The following CXCL13 variants were observed in gnomAD, a reference collection of about 807,000 sequenced individuals.
CXCL13 encodes the protein C-X-C motif chemokine 13.
Under a neutral mutation model 12.2 loss-of-function variants are expected in CXCL13, and 7 were observed. That is an observed-to-expected ratio of 0.57 (90% CI 0.33 to 1.07). The LOEUF (loss-of-function observed/expected upper bound fraction) is 1.07, where lower values mean the gene tolerates loss of function less well. Among genes scored for constraint, CXCL13 ranks in the 50% least tolerant of loss-of-function variants. The pLI is 0.04. For missense variants in CXCL13, 113 were observed against 127.4 expected, an observed-to-expected ratio of 0.89 and a Z score of 0.55; for synonymous variants, 47 against 42.4, an observed-to-expected ratio of 1.11 and a Z score of -0.42.
At chr4:77,552,440 G>A (rs1421740081) in intron 1 of CXCL13, among the ~76,000 whole-genome samples, 2 of 152,204 alleles carry the variant, frequency 1.3e-5, no homozygotes, top group Non-Finnish European at 2.9e-5. Flanking sequence ...TGGCACTTAT[G>A]GGTAAGAGCC....
At chr4:77,581,989 C>T (rs1726344215) in intron 1 of CXCL13, among the ~76,000 whole-genome samples, 1 of 152,156 alleles carries the variant, frequency 6.6e-6, no homozygotes, top group Non-Finnish European at 1.5e-5. Context: ...GTCATCAAAT[C>T]CAGTGCCCTT....
rs1726307543 is a variant in CXCL13, at chr4:77,580,667, T to G, written c.-42-25157T>G. Among the ~76,000 whole-genome samples the G allele has an allele frequency of 5.3e-5, 8 of 151,624 alleles. No homozygotes were observed. The South Asian group carries it at 1.7e-3, about 32-fold the overall frequency. On this transcript the variant is annotated intron_variant, in intron 1 of 4. Transcript: ENST00000286758. ...TCAGGATTTATTTCTGGCTTTTCCT[T>G]TCCTTTATTTCTGGAGGATGGTTTT... is the stretch of plus-strand genomic sequence containing the variant.
Position 77,532,439 on chromosome 4 carries a change from T to C in CXCL13, c.-43+20651T>C, listed in dbSNP as rs149672345. 4.4e-3 allele frequency among the ~76,000 whole-genome samples: 668 copies of C among 152,326 alleles called. 17 individuals are homozygous for C. The highest frequency in any genetic ancestry group is 0.026 in the East Asian group (136 of 5,182). ...AGCTGTTAGTCTGATGGGCTTCCCT[T>C]TGTGGGTAACCTGACCTTTCTCTCT... On this transcript the variant is annotated intron_variant, in intron 1 of 4. Transcript: ENST00000286758.
At chr4:77,529,404 C>T in intron 1 of CXCL13, among the ~76,000 whole-genome samples, 1 of 152,192 alleles carries the variant, frequency 6.6e-6, no homozygotes, top group Non-Finnish European at 1.5e-5. Flanking sequence ...GTTCTTCCTA[C>T]CCATGAGCAT....
chr4:77,517,796 A>G (rs1052571752), intron 1 of CXCL13, among the ~76,000 whole-genome samples: 4 of 152,182 alleles, frequency 2.6e-5, no homozygotes, highest in African/African-American at 9.7e-5. Context: ...TGGAGCATTG[A>G]GTCCATTTAC....
chr4:77,559,297 A>G (rs1185434936), intron 1 of CXCL13, among the ~76,000 whole-genome samples: 1 of 152,204 alleles, frequency 6.6e-6, no homozygotes, highest in Non-Finnish European at 1.5e-5. Flanking sequence ...GCAGAGGAAG[A>G]AATTGAGATA....
intron 1 of CXCL13, among the ~76,000 whole-genome samples, chr4:77,544,129 C>A (rs756822623): frequency 3.3e-5 from 5 of 152,194 alleles, no homozygotes; most frequent in African/African-American, 4.8e-5. Context: ...GCAACATTTT[C>A]TTAATCCAGT....
rs187713412 is a variant in CXCL13, at chr4:77,563,044, C to T, written c.-42-42780C>T. 1.2e-4 allele frequency among the ~76,000 whole-genome samples: 19 copies of T among 152,164 alleles called. No individual in the cohort carries two copies. The East Asian group carries it at 2.9e-3, about 23-fold the overall frequency. ...CTTGCTGCTTCTCACTCTTTGGGTCCGCACTGCCTTTATGAGCTGTAACAC... is the reference window on the plus strand; with the variant it reads ...CTTGCTGCTTCTCACTCTTTGGGTCTGCACTGCCTTTATGAGCTGTAACAC... On this transcript the variant is annotated intron_variant, in intron 1 of 4. Coordinates refer to the CXCL13 transcript ENST00000286758.
intron 1 of CXCL13, among the ~76,000 whole-genome samples, chr4:77,525,220 A>G (rs535063849): frequency 2.6e-5 from 4 of 152,332 alleles, no homozygotes; most frequent in African/African-American, 4.8e-5. Flanking sequence ...TTCATTAAAA[A>G]TTACTCAGTC....
chr4:77,535,350 A>G (rs1725036017), intron 1 of CXCL13, among the ~76,000 whole-genome samples: 1 of 152,114 alleles, frequency 6.6e-6, no homozygotes, highest in African/African-American at 2.4e-5. Flanking sequence ...TTATAGGCGT[A>G]CCCTTTCCAG....
intron 1 of CXCL13, among the ~76,000 whole-genome samples, chr4:77,588,707 T>C (rs916603159): frequency 6.6e-6 from 1 of 152,208 alleles, no homozygotes; most frequent in Non-Finnish European, 1.5e-5. Flanking sequence ...ATTCTCTTGA[T>C]CCATCTCACA....
chr4:77,599,719 CAG>C (rs1263953851), intron 1 of CXCL13, among the ~76,000 whole-genome samples: 1 of 152,176 alleles, frequency 6.6e-6, no homozygotes, highest in East Asian at 1.9e-4. Flanking sequence ...CTTCTCCACA[CAG>C]GGGATAGTGG....
intron 1 of CXCL13, among the ~76,000 whole-genome samples, chr4:77,599,024 G>A (rs1439381568): frequency 6.6e-6 from 1 of 152,038 alleles, no homozygotes; most frequent in East Asian, 1.9e-4. Flanking sequence ...GGCCAGGCTG[G>A]TCTTGAACTC....
intron 1 of CXCL13, among the ~76,000 whole-genome samples, chr4:77,569,169 G>C (rs563375047): frequency 6.6e-6 from 1 of 152,256 alleles, no homozygotes; most frequent in South Asian, 2.1e-4. Context: ...TACTGAATGG[G>C]TAAAAGCTGG....
intron 1 of CXCL13, among the ~76,000 whole-genome samples, chr4:77,557,201 TC>T (rs1725680035): frequency 6.6e-6 from 1 of 152,224 alleles, no homozygotes; most frequent in South Asian, 2.1e-4. Context: ...CTCTTATACT[TC>T]CATTGTATTA....
upstream of CXCL13, among the ~76,000 whole-genome samples, chr4:77,603,313 C>G (rs1046762001): frequency 6.6e-6 from 1 of 152,150 alleles, no homozygotes; most frequent in African/African-American, 2.4e-5. Flanking sequence ...TGCCTACCAA[C>G]TCAATATAAG....
chr4:77,512,218 A>G (rs1339509361), intron 1 of CXCL13, among the ~76,000 whole-genome samples: 1 of 152,236 alleles, frequency 6.6e-6, no homozygotes, highest in East Asian at 1.9e-4. Flanking sequence ...CATTAGATTC[A>G]TCCTGACCAT....
chr4:77,513,715 A>G (rs1262018516), intron 1 of CXCL13, among the ~76,000 whole-genome samples: 4 of 151,600 alleles, frequency 2.6e-5, no homozygotes, highest in Non-Finnish European at 4.4e-5. Context: ...GCCTCCCAAA[A>G]TGCTGGGATT....
At chr4:77,549,773 C>T (rs1487356290) in intron 1 of CXCL13, among the ~76,000 whole-genome samples, 2 of 152,202 alleles carry the variant, frequency 1.3e-5, no homozygotes, top group Admixed American at 1.3e-4. Context: ...GGAGATGTCT[C>T]CCAGTTAGGC....
Sources: gnomAD v4.1 joint callset for allele counts (sites outside exome capture counted in the v4.1 genomes callset) on GRCh38, gnomAD v4.1.1 for gene constraint, MANE v1.5 for transcripts, NCBI Gene and HGNC (gene_info 2026-07-23, HGNC 2026-07-21) for gene names.